Variants in WWP2 observed in about 807,000 individuals in gnomAD.
The protein encoded by WWP2 is NEDD4-like E3 ubiquitin-protein ligase WWP2.
In WWP2, 57 loss-of-function variants were observed where a neutral mutation model predicts 121.0. The observed-to-expected ratio is 0.47, with a 90% CI of 0.38 to 0.59. The LOEUF (loss-of-function observed/expected upper bound fraction) is 0.59. Among genes scored for constraint, WWP2 ranks in the 20% least tolerant of loss-of-function variants. The pLI is 0.00. For synonymous variants in WWP2, 449 were observed against 441.3 expected (o/e 1.02, Z -0.22); for missense variants, 962 against 1,158.9 (o/e 0.83, Z 2.47).
intron 16 of WWP2, among the ~76,000 whole-genome samples, chr16:69,932,274 G>T (rs1191228844): frequency 6.6e-6 from 1 of 152,272 alleles, no homozygotes; most frequent in Non-Finnish European, 1.5e-5. Flanking sequence ...AGGTTGCAGT[G>T]AGCCGAGATC....
chr16:69,917,678 A>G, intron 9 of WWP2, 31 bp from the exon 10 acceptor site: 1 of 1,592,174 alleles, frequency 6.3e-7, no homozygotes, highest in Non-Finnish European at 8.6e-7. Flanking sequence ...TGGGGTGGTC[A>G]TTATATTCAT....
chr16:69,857,585 A>G (rs981045780), intron 6 of WWP2, among the ~76,000 whole-genome samples: 4 of 149,704 alleles, frequency 2.7e-5, no homozygotes, highest in African/African-American at 4.9e-5. Flanking sequence ...TGAGTTTTAT[A>G]TACAGCATGT....
At chr16:69,852,737 GAT>G in intron 6 of WWP2, among the ~76,000 whole-genome samples, 1 of 152,242 alleles carries the variant, frequency 6.6e-6, no homozygotes, top group East Asian at 1.9e-4. Flanking sequence ...TTCTTTATCA[GAT>G]ATATGTTTTG....
At chr16:69,870,867 C>A (rs2057622586) in intron 6 of WWP2, among the ~76,000 whole-genome samples, 1 of 152,210 alleles carries the variant, frequency 6.6e-6, no homozygotes, top group South Asian at 2.1e-4. Context: ...CACATGCTGC[C>A]TGTTGCCTTG....
chr16:69,922,642 G>A (rs1373820622), intron 10 of WWP2, among the ~76,000 whole-genome samples: 1 of 152,206 alleles, frequency 6.6e-6, no homozygotes, highest in African/African-American at 2.4e-5. Context: ...CAGCCGGTTG[G>A]CTCATTGGAG....
chr16:69,789,540 A>G (rs12444699), intron 2 of WWP2, among the ~76,000 whole-genome samples: 3,665 of 152,164 alleles, frequency 0.024, 272 homozygotes, highest in East Asian at 0.16. Flanking sequence ...CTATAGTTCA[A>G]AATTCTTTCC....
At chr16:69,773,809 C>G (rs2055468599) in intron 1 of WWP2, among the ~76,000 whole-genome samples, 2 of 152,150 alleles carry the variant, frequency 1.3e-5, no homozygotes, top group Non-Finnish European at 2.9e-5. Context: ...GCATAATTTT[C>G]TATGCAAATT....
chr16:69,847,806 A>G (rs1036161176), intron 6 of WWP2, among the ~76,000 whole-genome samples: 8 of 152,106 alleles, frequency 5.3e-5, no homozygotes, highest in Non-Finnish European at 7.4e-5. Context: ...ATCCACCCCC[A>G]TGACCTAAAC....
In WWP2 at chr16:69,931,194, G is replaced by T. The variant is rs1419866665; in HGVS notation, c.1488G>T (p.Arg496=). 1 of 1,614,170 alleles carries T rather than the reference G, an allele frequency of 6.2e-7. No individual in the cohort carries two copies. Among genetic ancestry groups the T allele is most frequent in the Non-Finnish European group, 8.5e-7 (1 of 1,180,038 alleles). ...GSPGAYDRSF[R]WKYHQFRFLC... The stretch of plus-strand genomic sequence containing the variant: ...CTGGTGCTTATGACCGCAGTTTTCG[G>T]TGGAAGTATCACCAGTTCCGTTTCC... Residue 496 remains arginine (R), a synonymous_variant, in exon 14 of 24, where the codon CGG becomes CGT. Transcript: ENST00000359154.
chr16:69,879,596 C>A (rs1372693995), intron 7 of WWP2, among the ~76,000 whole-genome samples: 1 of 152,182 alleles, frequency 6.6e-6, no homozygotes, highest in East Asian at 1.9e-4. Context: ...TATATACATA[C>A]CACATTTTGT....
Position 69,794,994 on chromosome 16 carries a change from C to A in WWP2, c.71-3688C>A, listed in dbSNP as rs146749657. On this transcript the variant is annotated intron_variant, in intron 2 of 23. Transcript: ENST00000359154. ...TTTTGGAAAGCTCTGGCGGGTAGAT[C>A]GCTTGAGTCCAGGTGGATTCCTTGA... 2.0e-3 allele frequency among the ~76,000 whole-genome samples: 298 copies of A among 152,178 alleles called. 3 individuals are homozygous for A. Among genetic ancestry groups the A allele is most frequent in the African/African-American group, 4.8e-3 (200 of 41,522 alleles).
At chr16:69,894,838 C>A (rs1011679514) in intron 8 of WWP2, 1 of 152,216 alleles carries the variant, frequency 6.6e-6, no homozygotes, top group Non-Finnish European at 1.5e-5. Context: ...TTTGCAGCTC[C>A]CTCGGTCCCA....
rs907012370 is a variant in WWP2 at position 69,826,960 on chromosome 16, GGGGGC to G, written c.341-13163_341-13159del. On this transcript the variant is annotated intron_variant, in intron 4 of 23. Coordinates refer to ENST00000359154, the MANE Select transcript of WWP2 (RefSeq NM_001270454.2). ...CCTCAAAAAAAAAAAAAAAAGGGGGGGGGGCGGAGAGAATAATGGACCATCTAGCA... is the reference window on the plus strand; with the variant it reads ...CCTCAAAAAAAAAAAAAAAAGGGGGGGGAGAGAATAATGGACCATCTAGCA... Among the ~76,000 whole-genome samples the G allele has an allele frequency of 6.7e-4, 63 of 94,138 alleles. 3 individuals are homozygous for G. The highest frequency in any genetic ancestry group is 1.3e-3 in the Non-Finnish European group (51 of 39,822). 61.8% of individuals were successfully genotyped at this position (94,138 alleles called of 152,430 possible).
chr16:69,792,942 C>A (rs373426555), intron 2 of WWP2, among the ~76,000 whole-genome samples: 1 of 152,096 alleles, frequency 6.6e-6, no homozygotes, highest in Admixed American at 6.5e-5. Context: ...CCTTCTGCCT[C>A]GGCCTCCTAA....
chr16:69,928,877 CTT>C (rs2058673595), intron 11 of WWP2, among the ~76,000 whole-genome samples: 1 of 152,218 alleles, frequency 6.6e-6, no homozygotes, highest in Admixed American at 6.5e-5. Flanking sequence ...TAGAACAAGA[CTT>C]AGCCTGTAAG....
chr16:69,863,986 A>G (rs2057473653), intron 6 of WWP2, among the ~76,000 whole-genome samples: 1 of 152,208 alleles, frequency 6.6e-6, no homozygotes, highest in African/African-American at 2.4e-5. Context: ...AGTTGCTTAC[A>G]GTATTTGGCG....
chr16:69,792,100 A>G (rs1467808996), intron 2 of WWP2, among the ~76,000 whole-genome samples: 1 of 152,186 alleles, frequency 6.6e-6, no homozygotes, highest in Admixed American at 6.5e-5. Context: ...TCATGAAGAA[A>G]GCTGATAGTG....
rs1445997935 is a variant in WWP2, at chr16:69,941,074, T to A, written c.*1134T>A. ...GCCAGCGGAAAGTGTTCATTCTGCA[T>A]AGGTGTGAGGCTTTATCTGCACACA... On this transcript the variant is annotated 3_prime_UTR_variant, in exon 24 of 24. Coordinates refer to ENST00000359154, the MANE Select transcript of WWP2 (RefSeq NM_001270454.2). 1 of 152,496 alleles carries A rather than the reference T, an allele frequency of 6.6e-6. No individual in the cohort carries two copies. Among genetic ancestry groups the A allele is most frequent in the Non-Finnish European group, 1.5e-5 (1 of 68,084 alleles). 9.4% of individuals were successfully genotyped at this position (152,496 alleles called of 1,614,324 possible). A position where few individuals can be genotyped will look rare whatever the true frequency, so the allele number is the denominator to read the frequency against.
Position 69,783,847 on chromosome 16 carries a change from C to T in WWP2, c.-15-3149C>T, listed in dbSNP as rs113302438. On this transcript the variant is annotated intron_variant, in intron 1 of 23. Transcript: ENST00000359154. ...TGGCACATCTATAGTCCCAGCTACT[C>T]AGGAGGCCAAGGTGAGAGGATTGCT... Among the ~76,000 whole-genome samples the T allele has an allele frequency of 4.9e-3, 750 of 151,888 alleles. 5 individuals are homozygous for T. The highest frequency in any genetic ancestry group is 7.0e-3 in the Non-Finnish European group (473 of 68,002).
Sources: gnomAD v4.1 joint callset for allele counts (sites outside exome capture counted in the v4.1 genomes callset) on GRCh38, gnomAD v4.1.1 for gene constraint, MANE v1.5 for transcripts, NCBI Gene and HGNC (gene_info 2026-07-23, HGNC 2026-07-21) for gene names.